The following XKR3 variants were observed in gnomAD, a reference collection of about 807,000 sequenced individuals.
The protein encoded by XKR3 is XK-related protein 3.
In XKR3, 27 loss-of-function variants were observed where a neutral mutation model predicts 40.3. The ratio of observed to expected loss-of-function variants is 0.67; its 90% confidence interval spans 0.49 to 0.92. The LOEUF is 0.92. Ranked by LOEUF, XKR3 falls within the 40% of genes least tolerant of loss-of-function variation. The pLI, the probability that XKR3 is intolerant of heterozygous loss-of-function variation, is 0.00. For missense variants in XKR3, 472 were observed against 537.6 expected (o/e 0.88, Z 1.21); for synonymous variants, 193 against 195.4 (o/e 0.99, Z 0.10).
chr22:16,783,643 G>A lies in XKR3; in HGVS notation c.1356C>T (p.Ile452=). 1 of 1,596,208 alleles carries A rather than the reference G, an allele frequency of 6.3e-7. No individual in the cohort carries two copies. Among genetic ancestry groups the A allele is most frequent in the East Asian group, 2.2e-5 (1 of 44,804 alleles). Residue 452 remains isoleucine, a synonymous_variant, in exon 4 of 4, where the codon ATC becomes ATT. Coordinates refer to ENST00000684488, the MANE Select transcript of XKR3 (RefSeq NM_001386955.1). The stretch of plus-strand genomic sequence containing the variant: ...TTTATGAACATGTCATACTTTTTCT[G>A]ATTGAAAAATATCCAACCCTATTGC... The part of the protein sequence containing the change: ...HSCNRVGYFS[I]RKSMTCS
intron 1 of XKR3, among the ~76,000 whole-genome samples, chr22:16,809,576 A>T (rs2060204353): frequency 6.6e-6 from 1 of 152,166 alleles, no homozygotes; most frequent in African/African-American, 2.4e-5. Context: ...GTCATCAGTG[A>T]CACCCTAATT....
chr22:16,815,714 T>C (rs2060230535), intron 1 of XKR3, among the ~76,000 whole-genome samples: 1 of 152,012 alleles, frequency 6.6e-6, no homozygotes, highest in Admixed American at 6.5e-5. Flanking sequence ...AAAGTATTCC[T>C]ATTAACAACT....
At chr22:16,817,482 T>G (rs191893963) in intron 1 of XKR3, among the ~76,000 whole-genome samples, 1 of 152,252 alleles carries the variant, frequency 6.6e-6, no homozygotes, top group African/African-American at 2.4e-5. Context: ...AATAAAAACC[T>G]CATTCTGTGT....
chr22:16,792,032 G>A (rs1359442841), intron 3 of XKR3, among the ~76,000 whole-genome samples: 4 of 151,892 alleles, frequency 2.6e-5, no homozygotes, highest in African/African-American at 9.7e-5. Flanking sequence ...TCCTCCGTCT[G>A]CTGGGTTCAA....
At chr22:16,804,841 A>G (rs2039240476) in intron 2 of XKR3, among the ~76,000 whole-genome samples, 1 of 152,162 alleles carries the variant, frequency 6.6e-6, no homozygotes, top group African/African-American at 2.4e-5. Flanking sequence ...GCCTCCCTAA[A>G]ATGTATAAAA....
chr22:16,799,728 A>C (rs1362731646), intron 3 of XKR3, 43 bp downstream of exon 3: 1 of 1,604,834 alleles, frequency 6.2e-7, no homozygotes, highest in Non-Finnish European at 8.5e-7. Context: ...AGTACACTTT[A>C]TTGACCTTTG....
chr22:16,808,170 A>G, intron 1 of XKR3, 87 bp from the exon 2 acceptor site: 1 of 1,008,936 alleles, frequency 9.9e-7, no homozygotes. Context: ...TCTATAATTC[A>G]CTATTCATAG....
intron 3 of XKR3, among the ~76,000 whole-genome samples, chr22:16,788,861 T>C (rs2060102421): frequency 6.6e-6 from 1 of 152,116 alleles, no homozygotes; most frequent in Non-Finnish European, 1.5e-5. Context: ...TTAAGTGTCA[T>C]ACATTACATC....
At chr22:16,821,429 A>T (rs2060255238) in intron 1 of XKR3, among the ~76,000 whole-genome samples, 1 of 152,128 alleles carries the variant, frequency 6.6e-6, no homozygotes, top group South Asian at 2.1e-4. Flanking sequence ...TTTATTGGTT[A>T]CTGTGTTTCA....
At chr22:16,793,637 C>T (rs1352402855) in intron 3 of XKR3, among the ~76,000 whole-genome samples, 1 of 152,082 alleles carries the variant, frequency 6.6e-6, no homozygotes, top group African/African-American at 2.4e-5. Flanking sequence ...GCAAAGACCA[C>T]CTGGTGACCA....
rs777711305 is a variant in XKR3 at position 16,783,927 on chromosome 22, T to C, written c.1072A>G (p.Met358Val). 3.1e-6 allele frequency: 5 copies of C among 1,614,212 alleles called. No homozygotes were observed. The South Asian group carries it at 3.3e-5, about 11-fold the overall frequency. ...CCAAAGAACCTAAATACCAATATCA[T>C]TATCACATTTTCTAAAAACTGAAAG... ...YSFQFLENVIMILVFRFFGGK... is the reference protein window; with the variant it reads ...YSFQFLENVIVILVFRFFGGK... The change falls in exon 4 of 4, where the codon ATG (methionine) becomes GTG (valine). Residue 358 changes from methionine (M) to valine (V), a missense_variant. Physicochemically the swap from Met to Val is conservative, Grantham distance 21. Transcript: ENST00000684488.
In XKR3 at chr22:16,791,074, G is replaced by GT. The variant is rs1289978453; in HGVS notation, c.590-6666dup. 2.6e-5 allele frequency among the ~76,000 whole-genome samples: 4 copies of GT among 152,188 alleles called. No individual in the cohort carries two copies. In the East Asian group the frequency reaches 7.7e-4, roughly 29 times the overall value. On this transcript the variant is annotated intron_variant, in intron 3 of 3. Transcript: ENST00000684488. ...AATGTATCAAAAGGAATTGAATCCA[G>GT]TATGTTGAAGAGATATATACACTCT... is the stretch of plus-strand genomic sequence containing the variant.
intron 1 of XKR3, among the ~76,000 whole-genome samples, chr22:16,813,358 G>C (rs2060220951): frequency 6.6e-6 from 1 of 152,036 alleles, no homozygotes; most frequent in African/African-American, 2.4e-5. Flanking sequence ...TCTTTCTAAG[G>C]CATAAGTTAA....
chr22:16,799,413 CAAAA>C lies in XKR3; in HGVS notation c.589+354_589+357del, dbSNP rs528071823. Among the ~76,000 whole-genome samples, 33 of 32,540 alleles carry C rather than the reference CAAAA, an allele frequency of 1.0e-3. 3 individuals carry two copies. The highest frequency in any genetic ancestry group is 4.5e-3 in the African/African-American group (29 of 6,492). The allele number at this position is 32,540 out of a possible 152,430, so 21.3% of individuals were successfully genotyped here. A position where few individuals can be genotyped will look rare whatever the true frequency, so the allele number is the denominator to read the frequency against. On this transcript the variant is annotated intron_variant, in intron 3 of 3. Coordinates refer to ENST00000684488, the MANE Select transcript of XKR3 (RefSeq NM_001386955.1). ...TGGGCGACAAAGTGAGACTATGTCT[CAAAA>C]AAAAAAAAAAAAAAAAAGCAATGCT...
chr22:16,783,657 C>T lies in XKR3; in HGVS notation c.1342G>A (p.Gly448Arg). ...ATACTTTTTCTGATTGAAAAATATC[C>T]AACCCTATTGCAGGAGTGACAGTAA... Reference protein sequence around the residue: ...RNYCHSCNRVGYFSIRKSMTC... With the variant: ...RNYCHSCNRVRYFSIRKSMTC... Residue 448 changes from glycine (G) to arginine (R), a missense_variant, in exon 4 of 4, where the codon GGA (glycine) becomes AGA (arginine). Transcript: ENST00000684488. 3 of 1,605,092 alleles carry T rather than the reference C, an allele frequency of 1.9e-6. No homozygotes were observed.
At chr22:16,815,400 T>C (rs1601850949) in intron 1 of XKR3, among the ~76,000 whole-genome samples, 1 of 152,208 alleles carries the variant, frequency 6.6e-6, no homozygotes, top group South Asian at 2.1e-4. Context: ...TATTTGTCTG[T>C]AACATTCTTT....
At chr22:16,807,489 A>G (rs2060194390) in intron 2 of XKR3, among the ~76,000 whole-genome samples, 1 of 152,248 alleles carries the variant, frequency 6.6e-6, no homozygotes, top group Non-Finnish European at 1.5e-5. Context: ...AGACTGGAAT[A>G]CAACACATAC....
At chr22:16,790,769 C>A (rs1461390125) in intron 3 of XKR3, among the ~76,000 whole-genome samples, 3 of 151,750 alleles carry the variant, frequency 2.0e-5, no homozygotes, top group African/African-American at 7.3e-5. Context: ...AAATAGGTCT[C>A]TTAATAGGCC....
At position 16,784,237 on chromosome 22, in the gene XKR3, T is replaced by C. The variant is rs1447305922; in HGVS notation, c.762A>G (p.Ala254=). 3.7e-6 allele frequency: 6 copies of C among 1,614,140 alleles called. No individual in the cohort carries two copies. The East Asian group carries it at 8.9e-5, about 24-fold the overall frequency. ...TCAGTTTCAGAGATGCAATGAAAAA[T>C]GCCAGAGTCACTACACGTGAGATAA... ...LEVISRVVTL[A]FFIASLKLKS... The change falls in exon 4 of 4, where the codon GCA becomes GCG. Residue 254 remains alanine (A), a synonymous_variant. Transcript: ENST00000684488.
Sources: gnomAD v4.1 joint callset for allele counts (sites outside exome capture counted in the v4.1 genomes callset) on GRCh38, gnomAD v4.1.1 for gene constraint, MANE v1.5 for transcripts, NCBI Gene and HGNC (gene_info 2026-07-23, HGNC 2026-07-21) for gene names.